SYT9: variants seen among roughly 807,000 people sequenced by gnomAD.
SYT9 encodes the protein synaptotagmin-9.
In SYT9, 22 loss-of-function variants were observed where a neutral mutation model predicts 48.4. That is an observed-to-expected ratio of 0.45 (90% CI 0.32 to 0.65). The LOEUF (loss-of-function observed/expected upper bound fraction) is 0.65. Among genes scored for constraint, SYT9 ranks in the 30% least tolerant of loss-of-function variants. The pLI is 0.03. For synonymous variants in SYT9, 265 were observed against 245.0 expected (o/e 1.08, Z -0.76); for missense variants, 577 against 622.0 (o/e 0.93, Z 0.77).
chr11:7,296,095 T>C (rs910546330), intron 1 of SYT9, among the ~76,000 whole-genome samples: 4 of 152,094 alleles, frequency 2.6e-5, no homozygotes, highest in African/African-American at 9.7e-5. Flanking sequence ...CTGAGATACC[T>C]CATGAAAAAA....
chr11:7,345,715 G>T (rs1489605750), intron 3 of SYT9, among the ~76,000 whole-genome samples: 1 of 152,218 alleles, frequency 6.6e-6, no homozygotes, highest in East Asian at 1.9e-4. Flanking sequence ...GAGCTCAGAA[G>T]CAGGGCCTGA....
At chr11:7,312,155 T>C (rs1849147972) in intron 2 of SYT9, among the ~76,000 whole-genome samples, 2 of 152,114 alleles carry the variant, frequency 1.3e-5, no homozygotes, top group African/African-American at 4.8e-5. Context: ...GGTGGGTGAT[T>C]AGTGATTAGG....
chr11:7,443,009 TGAATGA>T (rs890485403), intron 6 of SYT9, among the ~76,000 whole-genome samples: 6 of 151,846 alleles, frequency 4.0e-5, no homozygotes, highest in Non-Finnish European at 8.8e-5. Flanking sequence ...AGATAATGAA[TGAATGA>T]GAATGAGAAT....
At chr11:7,351,842 G>C (rs1849921149) in intron 3 of SYT9, among the ~76,000 whole-genome samples, 1 of 152,188 alleles carries the variant, frequency 6.6e-6, no homozygotes, top group African/African-American at 2.4e-5. Flanking sequence ...AAGGAGAAAG[G>C]AAGGAAAAAT....
In SYT9 at chr11:7,303,305, C is replaced by T; in HGVS notation, c.412C>T (p.Leu138Phe). Residue 138 changes from leucine (L) to phenylalanine (F), a missense_variant, in exon 2 of 7, where the codon CTC becomes TTC. Coordinates refer to ENST00000318881, the MANE Select transcript of SYT9 (RefSeq NM_175733.4). ...KISHTSPDIP[L>F]STQTGIQENC... ...CAGCCACACCTCCCCTGACATTCCC[C>T]TCTCCACCCAGACGGGGATCCAGGA... The T allele has an allele frequency of 6.2e-7, 1 of 1,614,040 alleles. No homozygotes were observed. The highest frequency in any genetic ancestry group is 8.5e-7 in the Non-Finnish European group (1 of 1,180,036).
intron 3 of SYT9, among the ~76,000 whole-genome samples, chr11:7,367,070 A>ATAT (rs1850260250): frequency 1.1e-5 from 1 of 91,838 alleles, no homozygotes; most frequent in African/African-American, 4.0e-5. Context: ...CCAGGAGACC[A>ATAT]TCTTTTTTTT....
At chr11:7,426,043 G>T (rs903445772) in intron 6 of SYT9, among the ~76,000 whole-genome samples, 2 of 152,168 alleles carry the variant, frequency 1.3e-5, no homozygotes, top group Admixed American at 1.3e-4. Context: ...AGAGGTAAAT[G>T]AACTTTATCT....
chr11:7,342,397 A>G (rs1242015333), intron 3 of SYT9, among the ~76,000 whole-genome samples: 2 of 152,194 alleles, frequency 1.3e-5, no homozygotes, highest in Non-Finnish European at 1.5e-5. Flanking sequence ...CGCATTCCAA[A>G]TGGGAGAAAT....
intron 3 of SYT9, among the ~76,000 whole-genome samples, chr11:7,379,509 A>C (rs1422825941): frequency 2.0e-5 from 3 of 152,116 alleles, no homozygotes; most frequent in African/African-American, 7.2e-5. Flanking sequence ...TTAGACTGTG[A>C]TAGAGAAGAA....
intron 1 of SYT9, among the ~76,000 whole-genome samples, chr11:7,281,181 C>G (rs1323110139): frequency 6.6e-6 from 1 of 152,214 alleles, no homozygotes; most frequent in Non-Finnish European, 1.5e-5. Context: ...CATACAAATG[C>G]AGCTCCTCTA....
intron 6 of SYT9, among the ~76,000 whole-genome samples, chr11:7,463,275 T>C (rs1848265875): frequency 6.6e-6 from 1 of 152,252 alleles, no homozygotes; most frequent in African/African-American, 2.4e-5. Flanking sequence ...CCGGTGTTGA[T>C]GACTGAGTCT....
chr11:7,340,607 C>A (rs1417655972), intron 3 of SYT9, among the ~76,000 whole-genome samples: 2 of 152,158 alleles, frequency 1.3e-5, no homozygotes, highest in Non-Finnish European at 2.9e-5. Flanking sequence ...AGGACCAGGA[C>A]CTGTATGGAG....
In SYT9 at chr11:7,380,075, TGTG is replaced by T. The variant is rs949911745; in HGVS notation, c.1045-35964_1045-35962del. ...TCGAGAGATGAATGGATAAAGAAAATGTGGTACATATACACAATGGAGTACTAC... is the reference window on the plus strand; with the variant it reads ...TCGAGAGATGAATGGATAAAGAAAATGTACATATACACAATGGAGTACTAC... On this transcript the variant is annotated intron_variant, in intron 3 of 6. Transcript: ENST00000318881. 2.1e-3 allele frequency among the ~76,000 whole-genome samples: 327 copies of T among 152,178 alleles called. 1 individual carries two copies. The highest frequency in any genetic ancestry group is 7.4e-3 in the African/African-American group (308 of 41,538).
At chr11:7,290,391 A>G (rs1448730752) in intron 1 of SYT9, among the ~76,000 whole-genome samples, 2 of 152,212 alleles carry the variant, frequency 1.3e-5, no homozygotes, top group Non-Finnish European at 2.9e-5. Flanking sequence ...CAGCAGCTCA[A>G]TACAACATGT....
chr11:7,434,608 G>T (rs1279425156), intron 6 of SYT9, among the ~76,000 whole-genome samples: 2 of 152,182 alleles, frequency 1.3e-5, no homozygotes, highest in African/African-American at 2.4e-5. Context: ...GGCTATGGAA[G>T]ATCGTATCAC....
intron 3 of SYT9, among the ~76,000 whole-genome samples, chr11:7,362,426 TGACCA>T (rs1471198406): frequency 6.6e-6 from 1 of 152,230 alleles, no homozygotes; most frequent in Non-Finnish European, 1.5e-5. Context: ...TGAACCACCG[TGACCA>T]GCCCCAGTAG....
intron 3 of SYT9, among the ~76,000 whole-genome samples, chr11:7,318,455 G>A (rs556495463): frequency 1.9e-4 from 29 of 151,918 alleles, no homozygotes; most frequent in South Asian, 1.0e-3. Context: ...CTGGAATTAC[G>A]GGCGCCCACT....
intron 3 of SYT9, among the ~76,000 whole-genome samples, chr11:7,359,659 G>A (rs1010026025): frequency 1.0e-5 from 1 of 99,804 alleles, no homozygotes; most frequent in Non-Finnish European, 2.3e-5. Flanking sequence ...CTTTTGAGAA[G>A]TGTCTGTTCA....
At position 7,252,678 on chromosome 11, in the gene SYT9, G is replaced by A. The variant is rs920729118; in HGVS notation, c.145+347G>A. ...CTATCTGCACTCAGAGCGAGGGGAG[G>A]CCGCGGCGGCCTCGGAGCCGTGGGA... On this transcript the variant is annotated intron_variant, in intron 1 of 6. Transcript: ENST00000318881. This position sits in a 1 kb window ranked among gnomAD's most constrained non-coding sequence, Gnocchi z 6.3. Among the ~76,000 whole-genome samples the A allele has an allele frequency of 3.9e-5, 6 of 152,362 alleles. No individual in the cohort carries two copies. Among genetic ancestry groups the A allele is most frequent in the Middle Eastern group, 3.4e-3 (1 of 294 alleles).
Sources: gnomAD v4.1 joint callset for allele counts (sites outside exome capture counted in the v4.1 genomes callset) on GRCh38, gnomAD v4.1.1 for gene constraint, Gnocchi (gnomAD v3.1) non-coding constraint, MANE v1.5 for transcripts, NCBI Gene and HGNC (gene_info 2026-07-23, HGNC 2026-07-21) for gene names.